The following GPNMB variants were observed in gnomAD, a reference collection of about 807,000 sequenced individuals.
The protein encoded by GPNMB is glycoprotein nmb.
A neutral mutation model predicts 57.3 loss-of-function variants in GPNMB; 71 were observed. The observed-to-expected ratio is 1.24, with a 90% CI of 1.02 to 1.51. The LOEUF (loss-of-function observed/expected upper bound fraction) is 1.51, where lower values mean the gene tolerates loss of function less well. Ranked by LOEUF, GPNMB falls within the 40% of genes most tolerant of loss-of-function variation. The probability of loss-of-function intolerance (pLI) is 0.00; values close to 1 mark genes in which losing one functional copy is unlikely to be tolerated. For missense variants in GPNMB, 677 were observed against 691.9 expected (o/e 0.98, Z 0.24); for synonymous variants, 253 against 263.2 (o/e 0.96, Z 0.38).
intron 6 of GPNMB, among the ~76,000 whole-genome samples, chr7:23,261,394 A>G (rs771272810): frequency 6.6e-6 from 1 of 152,240 alleles, no homozygotes; most frequent in African/African-American, 2.4e-5. Flanking sequence ...ATGTCCATCA[A>G]TGATAGACTG....
At position 23,246,865 on chromosome 7, in the gene GPNMB, G is replaced by A. The variant is rs992655513; in HGVS notation, c.8G>A (p.Cys3Tyr). Residue 3 changes from cysteine to tyrosine, a missense_variant, in exon 1 of 11, where the codon TGT becomes TAT. Transcript: ENST00000258733. ...CGTCCGTGAGAATTCAGCATGGAAT[G>A]TCTCTACTATTTCCTGGGATTTCTG... ME[C>Y]LYYFLGFLLL... is the part of the protein sequence containing the mutation. 6.2e-7 allele frequency: 1 copy of A among 1,613,392 alleles called. No individual in the cohort carries two copies. The highest frequency in any genetic ancestry group is 1.3e-5 in the African/African-American group (1 of 74,908).
rs191779242 is a variant in GPNMB at position 23,256,986 on chromosome 7, C to T, written c.462C>T (p.Asn154=). ...ATGGCACCGGCCAAAGCCATCATAA[C>T]GTCTTCCCTGATGGGAAACCTTTTC... is the stretch of plus-strand genomic sequence containing the variant. ...GENGTGQSHH[N]VFPDGKPFPH... is the part of the protein sequence containing the mutation. The change falls in exon 4 of 11, where the codon AAC becomes AAT. Residue 154 remains asparagine, a synonymous_variant. Transcript: ENST00000258733. The T allele has an allele frequency of 1.2e-5, 19 of 1,613,820 alleles. No individual in the cohort carries two copies. The highest frequency in any genetic ancestry group is 1.2e-4 in the Admixed American group (7 of 60,022).
In GPNMB at chr7:23,266,612, G is replaced by A; in HGVS notation, c.1114G>A (p.Val372Ile). The A allele has an allele frequency of 6.2e-7, 1 of 1,613,652 alleles. No individual in the cohort carries two copies. The highest frequency in any genetic ancestry group is 8.5e-7 in the Non-Finnish European group (1 of 1,179,742). Reference protein sequence around the residue: ...YGHFQATITIVEGILEVNIIQ... With the variant: ...YGHFQATITIIEGILEVNIIQ... ...CCACTTTCAAGCCACCATCACAATT[G>A]TAGGTAAGGCTGAAGATGATGACCA... Residue 372 changes from valine (V) to isoleucine (I), a missense_variant, in exon 7 of 11, where the codon GTA (valine) becomes ATA (isoleucine). Coordinates refer to ENST00000258733, the MANE Select transcript of GPNMB (RefSeq NM_002510.3).
At chr7:23,268,036 C>T (rs747832199) in intron 8 of GPNMB, 48 bp downstream of exon 8, 3 of 1,154,548 alleles carry the variant, frequency 2.6e-6, no homozygotes, top group Non-Finnish European at 1.3e-6. Flanking sequence ...AACTGAGGAC[C>T]TCAAGTCTGA....
At chr7:23,253,206 T>C in intron 1 of GPNMB, 101 bp from the exon 2 acceptor site, 1 of 973,882 alleles carries the variant, frequency 1.0e-6, no homozygotes. Flanking sequence ...ACTGAATATA[T>C]TATGTATGTG....
At chr7:23,270,212 C>A (rs1182308053) in intron 9 of GPNMB, 37 bp downstream of exon 9, 2 of 1,413,012 alleles carry the variant, frequency 1.4e-6, no homozygotes, top group South Asian at 1.2e-5. Flanking sequence ...GCATTTCATA[C>A]TGCAAGTAAA....
At chr7:23,257,258 C>T in intron 4 of GPNMB, 193 bp downstream of exon 4, 2 of 622,306 alleles carry the variant, frequency 3.2e-6, no homozygotes, top group Middle Eastern at 3.9e-4. Flanking sequence ...CTCCAGGACA[C>T]CGAAGAGTTA....
chr7:23,266,952 A>G (rs1783079292), intron 7 of GPNMB, among the ~76,000 whole-genome samples: 1 of 152,172 alleles, frequency 6.6e-6, no homozygotes, highest in South Asian at 2.1e-4. Flanking sequence ...TACAACTTCC[A>G]CTGTCTTCCC....
chr7:23,273,477 C>T, intron 9 of GPNMB, 44 bp from the exon 10 acceptor site: 1 of 1,266,188 alleles, frequency 7.9e-7, no homozygotes. Context: ...GGCATGTCCT[C>T]TAGGTGGAAG....
intron 6 of GPNMB, among the ~76,000 whole-genome samples, chr7:23,261,429 C>T (rs1782919662): frequency 6.6e-6 from 1 of 152,198 alleles, no homozygotes; most frequent in Non-Finnish European, 1.5e-5. Context: ...GGCACATATA[C>T]ACCATAGAAT....
At chr7:23,266,743 AC>A in intron 7 of GPNMB, 128 bp downstream of exon 7, 1 of 709,858 alleles carries the variant, frequency 1.4e-6, no homozygotes, top group Non-Finnish European at 2.3e-6. Flanking sequence ...CTAAGATGAC[AC>A]CACACATGCA....
chr7:23,273,246 G>A, intron 9 of GPNMB: 1 of 329,192 alleles, frequency 3.0e-6, no homozygotes. Flanking sequence ...CGGTGGCGCT[G>A]CTGGGTCACC....
rs139697557 is a variant in GPNMB, at chr7:23,261,760, C to T, written c.1018+987C>T. The stretch of plus-strand genomic sequence containing the variant: ...CAAACCTGCACTTTGTGCACATGTA[C>T]CCTAGAACTTAAAGTAAAATTTAAA... On this transcript the variant is annotated intron_variant, in intron 6 of 10. Coordinates refer to ENST00000258733, the MANE Select transcript of GPNMB (RefSeq NM_002510.3). 2.6e-3 allele frequency among the ~76,000 whole-genome samples: 391 copies of T among 151,862 alleles called. 1 individual carries two copies. Among genetic ancestry groups the T allele is most frequent in the African/African-American group, 8.9e-3 (370 of 41,360 alleles).
rs748845826 is a variant in GPNMB at position 23,267,938 on chromosome 7, G to A, written c.1170G>A (p.Val390=). 20 of 1,613,906 alleles carry A rather than the reference G, an allele frequency of 1.2e-5. No homozygotes were observed. The highest frequency in any genetic ancestry group is 3.3e-5 in the South Asian group (3 of 91,078). The change falls in exon 8 of 11, where the codon GTG becomes GTA. Residue 390 remains valine (V), a synonymous_variant. Transcript: ENST00000258733. ...AGATGACAGACGTCCTGATGCCGGT[G>A]CCATGGCCTGAAAGCTCCCTAATAG... The part of the protein sequence containing the change: ...IIQMTDVLMP[V]PWPESSLIDF...
At chr7:23,260,205 G>C in intron 5 of GPNMB, 67 bp downstream of exon 5, 3 of 1,537,130 alleles carry the variant, frequency 2.0e-6, no homozygotes, top group Non-Finnish European at 2.7e-6. Context: ...GGTTAAAAAA[G>C]AGGTAAGGCC....
chr7:23,270,575 A>G (rs1490988733), intron 9 of GPNMB, among the ~76,000 whole-genome samples: 1 of 152,214 alleles, frequency 6.6e-6, no homozygotes, highest in Non-Finnish European at 1.5e-5. Flanking sequence ...TTTCATGAAA[A>G]TCCACCTGAG....
chr7:23,260,234 TA>T (rs1265037927), intron 5 of GPNMB, 96 bp downstream of exon 5: 1 of 1,311,690 alleles, frequency 7.6e-7, no homozygotes, highest in African/African-American at 1.5e-5. Context: ...GGGGTTAGGT[TA>T]CAATGCATCT....
intron 8 of GPNMB, 130 bp downstream of exon 8, chr7:23,268,118 T>TAGGTACCCTAG: frequency 1.5e-6 from 1 of 648,398 alleles, no homozygotes. Flanking sequence ...TCCTATTTAC[T>TAGGTACCCTAG]GGTAACCCTA....
chr7:23,261,814 CTG>C (rs1288460453), intron 6 of GPNMB, among the ~76,000 whole-genome samples: 1 of 152,066 alleles, frequency 6.6e-6, no homozygotes, highest in Non-Finnish European at 1.5e-5. Flanking sequence ...AAAAATAAAA[CTG>C]TGCTGCATTT....
Sources: allele counts gnomAD v4.1 joint callset (sites outside exome capture counted in the v4.1 genomes callset), GRCh38; gene constraint gnomAD v4.1.1; transcripts MANE v1.5; gene names NCBI Gene and HGNC (gene_info 2026-07-23, HGNC 2026-07-21).